PDE4D: variants seen among roughly 807,000 people sequenced by gnomAD.
PDE4D encodes the protein 3',5'-cyclic-AMP phosphodiesterase 4D.
In PDE4D, 24 loss-of-function variants were observed where a neutral mutation model predicts 87.4. The observed-to-expected ratio is 0.27, with a 90% CI of 0.20 to 0.39. PDE4D has a LOEUF of 0.39. Among genes scored for constraint, PDE4D ranks in the 10% least tolerant of loss-of-function variants. The probability of loss-of-function intolerance (pLI) is 1.00; values close to 1 mark genes in which losing one functional copy is unlikely to be tolerated. For synonymous variants in PDE4D, 384 were observed against 383.2 expected, an observed-to-expected ratio of 1.00 and a Z score of -0.02; for missense variants, 714 against 1,041.0, an observed-to-expected ratio of 0.69 and a Z score of 4.32.
chr5:60,302,174 G>C (rs1488079973), intron 1 of PDE4D, among the ~76,000 whole-genome samples: 3 of 152,150 alleles, frequency 2.0e-5, no homozygotes, highest in Non-Finnish European at 4.4e-5. Context: ...GTATCAGGAT[G>C]ATGCTGGCCT....
intron 5 of PDE4D, among the ~76,000 whole-genome samples, chr5:59,122,378 A>G (rs1774693369): frequency 6.6e-6 from 1 of 152,192 alleles, no homozygotes; most frequent in Admixed American, 6.5e-5. Context: ...GTAGACCGAT[A>G]GATACCAGAG....
intron 1 of PDE4D, among the ~76,000 whole-genome samples, chr5:59,718,455 C>T (rs1755343037): frequency 6.6e-6 from 1 of 152,172 alleles, no homozygotes; most frequent in South Asian, 2.1e-4. Context: ...CCTAAACAGA[C>T]ATTTGCTTAA....
chr5:60,359,152 G>A (rs4699955), intron 1 of PDE4D, among the ~76,000 whole-genome samples: 103,846 of 152,134 alleles, frequency 0.68, 36,670 homozygotes, highest in African/African-American at 0.88. Context: ...CACGCCTGTA[G>A]TCCCAGCACT....
chr5:59,488,723 A>G (rs1562273373), intron 1 of PDE4D, among the ~76,000 whole-genome samples: 1 of 151,110 alleles, frequency 6.6e-6, no homozygotes, highest in East Asian at 1.9e-4. Context: ...TTCCAAGTAC[A>G]GTTGGAATAT....
chr5:59,941,580 G>T (rs2152798588), intron 3 of PDE4D, among the ~76,000 whole-genome samples: 1 of 152,218 alleles, frequency 6.6e-6, no homozygotes, highest in Non-Finnish European at 1.5e-5. Flanking sequence ...ATGCCCTTTG[G>T]GAAGAGATTA....
chr5:60,196,513 G>C (rs907920696), intron 1 of PDE4D, among the ~76,000 whole-genome samples: 1 of 151,610 alleles, frequency 6.6e-6, no homozygotes, highest in African/African-American at 2.4e-5. Context: ...TGCCCTTCCT[G>C]CCTGGGCAGT....
intron 1 of PDE4D, among the ~76,000 whole-genome samples, chr5:59,308,704 C>T (rs11956680): frequency 0.11 from 16,583 of 151,888 alleles, 990 homozygotes; most frequent in East Asian, 0.21. Context: ...TCTTAGCTTT[C>T]GTGGTTTAAT....
intron 4 of PDE4D, 130 bp downstream of exon 4, chr5:59,185,059 A>G: frequency 1.6e-6 from 1 of 614,528 alleles, no homozygotes; most frequent in Non-Finnish European, 2.9e-6. Flanking sequence ...AGGACATCAT[A>G]TGACTTAGTA....
intron 3 of PDE4D, among the ~76,000 whole-genome samples, chr5:59,963,620 T>C (rs557005413): frequency 6.6e-6 from 1 of 152,198 alleles, no homozygotes; most frequent in Non-Finnish European, 1.5e-5. Context: ...CAAGATCTAT[T>C]GTGAAAATAC....
intron 1 of PDE4D, among the ~76,000 whole-genome samples, chr5:59,889,720 T>C: frequency 6.6e-6 from 1 of 152,230 alleles, no homozygotes; most frequent in Middle Eastern, 3.2e-3. Context: ...AGTTGTCACA[T>C]TTTGAAGACT....
At chr5:59,595,238 CT>C (rs1422069594) in intron 1 of PDE4D, among the ~76,000 whole-genome samples, 3 of 152,102 alleles carry the variant, frequency 2.0e-5, no homozygotes, top group Non-Finnish European at 4.4e-5. Context: ...TTTTGACAAT[CT>C]ATTTATAAAA....
At chr5:59,393,826 T>A (rs1172952903) in intron 1 of PDE4D, among the ~76,000 whole-genome samples, 1 of 138,824 alleles carries the variant, frequency 7.2e-6, no homozygotes, top group Non-Finnish European at 1.6e-5. Flanking sequence ...TTTCTCTTCC[T>A]CTCCTTTCCT....
At chr5:60,043,494 T>C (rs1274822130) in intron 2 of PDE4D, among the ~76,000 whole-genome samples, 1 of 151,986 alleles carries the variant, frequency 6.6e-6, no homozygotes, top group Admixed American at 6.5e-5. Context: ...CACATAATCA[T>C]CAGATTCACC....
At chr5:59,628,197 T>C (rs565240249) in intron 1 of PDE4D, among the ~76,000 whole-genome samples, 57 of 152,300 alleles carry the variant, frequency 3.7e-4, no homozygotes, top group African/African-American at 1.3e-3. Context: ...ATGCTTGCAA[T>C]ACACCCAATA....
chr5:59,801,197 C>T (rs1455480147), intron 1 of PDE4D, among the ~76,000 whole-genome samples: 1 of 152,110 alleles, frequency 6.6e-6, no homozygotes, highest in East Asian at 1.9e-4. Flanking sequence ...GTTTATCAAT[C>T]TAGGAATCCT....
intron 1 of PDE4D, among the ~76,000 whole-genome samples, chr5:59,754,512 G>C (rs1051279407): frequency 2.0e-5 from 3 of 152,122 alleles, no homozygotes; most frequent in Admixed American, 6.6e-5. Flanking sequence ...ATTGAATGCA[G>C]TGCTGTTGCC....
At chr5:60,468,025 A>G (rs1747495884) in intron 1 of PDE4D, among the ~76,000 whole-genome samples, 2 of 152,104 alleles carry the variant, frequency 1.3e-5, no homozygotes, top group African/African-American at 4.8e-5. Flanking sequence ...GGAAAGTCCT[A>G]TGATAATACC....
At chr5:59,537,005 T>C (rs574621576) in intron 1 of PDE4D, among the ~76,000 whole-genome samples, 1 of 152,322 alleles carries the variant, frequency 6.6e-6, no homozygotes, top group Admixed American at 6.5e-5. Flanking sequence ...TTACAGAAGA[T>C]TTAATATAGT....
At chr5:59,574,438 A>T (rs1312978264) in intron 1 of PDE4D, among the ~76,000 whole-genome samples, 1 of 151,768 alleles carries the variant, frequency 6.6e-6, no homozygotes, top group Non-Finnish European at 1.5e-5. Flanking sequence ...GAATCCTTAC[A>T]GTAAATCTGG....
Sources: allele counts gnomAD v4.1 joint callset (sites outside exome capture counted in the v4.1 genomes callset), GRCh38; gene constraint gnomAD v4.1.1; transcripts MANE v1.5; gene names NCBI Gene and HGNC (gene_info 2026-07-23, HGNC 2026-07-21).